The following IQGAP2 variants were observed in gnomAD, a reference collection of about 807,000 sequenced individuals.
IQGAP2 encodes the protein ras GTPase-activating-like protein IQGAP2.
Under a neutral mutation model 201.3 loss-of-function variants are expected in IQGAP2, and 173 were observed. That is an observed-to-expected ratio of 0.86 (90% confidence interval 0.76 to 0.98). The LOEUF (loss-of-function observed/expected upper bound fraction) is 0.98, where lower values mean the gene tolerates loss of function less well. Among genes scored for constraint, IQGAP2 ranks in the 50% least tolerant of loss-of-function variants. IQGAP2 has a pLI of 0.00. For synonymous variants in IQGAP2, 675 were observed against 673.9 expected (o/e 1.00, Z -0.03); for missense variants, 1,687 against 1,864.8 (o/e 0.90, Z 1.76).
chr5:76,655,717 G>A (rs182010755), intron 20 of IQGAP2, among the ~76,000 whole-genome samples: 1 of 152,112 alleles, frequency 6.6e-6, no homozygotes, highest in African/African-American at 2.4e-5. Flanking sequence ...AAAGTGCTGG[G>A]ATTACAGATT....
chr5:76,558,518 T>A (rs1029231714), intron 2 of IQGAP2, among the ~76,000 whole-genome samples: 1 of 152,250 alleles, frequency 6.6e-6, no homozygotes, highest in African/African-American at 2.4e-5. Flanking sequence ...GGCCATATTT[T>A]TTTTAAGGCG....
At chr5:76,671,665 G>GT (rs1394300252) in intron 23 of IQGAP2, 94 bp from the exon 24 acceptor site, 1 of 883,544 alleles carries the variant, frequency 1.1e-6, no homozygotes, top group Admixed American at 2.6e-5. Flanking sequence ...TCCAGCCTGG[G>GT]TGACAGAGCA....
Position 76,652,795 on chromosome 5 carries a change from C to G in IQGAP2, c.2140C>G (p.Arg714Gly), listed in dbSNP as rs35366349. 1 of 1,610,814 alleles carries G rather than the reference C, an allele frequency of 6.2e-7. No homozygotes were observed. The highest frequency in any genetic ancestry group is 1.7e-5 in the Admixed American group (1 of 60,020). The change falls in exon 18 of 36, where the codon CGG (arginine) becomes GGG (glycine). Residue 714 changes from arginine to glycine, a missense_variant. Coordinates refer to ENST00000274364, the MANE Select transcript of IQGAP2 (RefSeq NM_006633.5). ...ACAACGGAAGGAGTATATGCACAGG[C>G]GGCAAACGTTCATTGATAATACTGA... ...YKQRKEYMHR[R>G]QTFIDNTDSI...
At position 76,632,032 on chromosome 5, in the gene IQGAP2, T is replaced by C. The variant is rs952103367; in HGVS notation, c.1780+6T>C. The C allele has an allele frequency of 6.3e-7, 1 of 1,596,374 alleles. No individual in the cohort carries two copies. The highest frequency in any genetic ancestry group is 8.5e-7 in the Non-Finnish European group (1 of 1,172,670). On this transcript the variant is annotated splice_donor_region_variant and intron_variant, in intron 15 of 35. Coordinates refer to ENST00000274364, the MANE Select transcript of IQGAP2 (RefSeq NM_006633.5). ...AGAGCTCAAATCTGAAAGAGGTAAG[T>C]TGGTTTGTTACTTTAGCACAAACTA... is the stretch of plus-strand genomic sequence containing the variant.
At position 76,570,684 on chromosome 5, in the gene IQGAP2, A is replaced by G. The variant is rs762482827; in HGVS notation, c.381+27A>G. On this transcript the variant is annotated intron_variant, in intron 4 of 35. Transcript: ENST00000274364. Reference sequence around the variant, plus strand: ...TAAGCCTTCACGCACTGGAATCTGAACTAGAAAGGCAAAGGGGTAGTACAC... The same window carrying G: ...TAAGCCTTCACGCACTGGAATCTGAGCTAGAAAGGCAAAGGGGTAGTACAC... 4.6e-6 allele frequency: 7 copies of G among 1,507,824 alleles called. No individual in the cohort carries two copies. In the South Asian group the frequency reaches 6.8e-5, roughly 15 times the overall value. 93.4% of individuals were successfully genotyped at this position (1,507,824 alleles called of 1,614,324 possible).
chr5:76,668,018 T>C (rs2150474926), intron 22 of IQGAP2, among the ~76,000 whole-genome samples: 1 of 151,822 alleles, frequency 6.6e-6, no homozygotes, highest in Admixed American at 6.6e-5. Flanking sequence ...TAGCAGGGAC[T>C]GCATGCGCAC....
intron 28 of IQGAP2, among the ~76,000 whole-genome samples, chr5:76,679,752 C>T (rs1435017372): frequency 6.6e-6 from 1 of 152,166 alleles, no homozygotes. Context: ...ATATGTACCG[C>T]CTTTCCAGAT....
At chr5:76,512,614 T>C (rs1304189205) in intron 2 of IQGAP2, among the ~76,000 whole-genome samples, 1 of 152,224 alleles carries the variant, frequency 6.6e-6, no homozygotes, top group Non-Finnish European at 1.5e-5. Flanking sequence ...CTGGAGTGCT[T>C]CTCAGATGTT....
intron 2 of IQGAP2, among the ~76,000 whole-genome samples, chr5:76,558,339 A>C (rs1483900914): frequency 1.3e-5 from 2 of 152,162 alleles, no homozygotes; most frequent in Non-Finnish European, 2.9e-5. Flanking sequence ...AGGTTGTTAT[A>C]AAGCATTCAT....
chr5:76,674,282 T>C (rs770987252), intron 26 of IQGAP2, among the ~76,000 whole-genome samples, 195 bp from the exon 27 acceptor site: 3 of 152,196 alleles, frequency 2.0e-5, no homozygotes, highest in Non-Finnish European at 2.9e-5. Context: ...AAAAATAACT[T>C]TGCAAATTAT....
At chr5:76,486,503 T>A (rs1756146664) in intron 2 of IQGAP2, among the ~76,000 whole-genome samples, 1 of 152,200 alleles carries the variant, frequency 6.6e-6, no homozygotes. Flanking sequence ...ATTTCATCAA[T>A]TTCAGACCTT....
At chr5:76,615,126 G>A (rs182883011) in intron 13 of IQGAP2, among the ~76,000 whole-genome samples, 1 of 152,334 alleles carries the variant, frequency 6.6e-6, no homozygotes, top group African/African-American at 2.4e-5. Context: ...ACTGGGTGGT[G>A]TGTGCTATTT....
chr5:76,600,778 T>A, intron 10 of IQGAP2, 34 bp from the exon 11 acceptor site: 1 of 1,611,524 alleles, frequency 6.2e-7, no homozygotes, highest in Non-Finnish European at 8.5e-7. Context: ...GTGTGTTGTG[T>A]GGGGAGCTTA....
At position 76,616,413 on chromosome 5, in the gene IQGAP2, GGC is replaced by G. The variant is rs1189606090; in HGVS notation, c.1521+5231_1521+5232del. The G allele has an allele frequency of 9.8e-5, 15 of 152,654 alleles. 1 individual carries two copies. Among genetic ancestry groups the G allele is most frequent in the Admixed American group, 3.3e-4 (5 of 15,280 alleles). 9.5% of individuals were successfully genotyped at this position (152,654 alleles called of 1,614,324 possible). A position where few individuals can be genotyped will look rare whatever the true frequency, so the allele number is the denominator to read the frequency against. ...ATTAGCAAGTTAGCCTTGAATGCCA[GGC>G]TAAAGATTTATGATTTATTATAGAA... On this transcript the variant is annotated intron_variant, in intron 13 of 35. Coordinates refer to ENST00000274364, the MANE Select transcript of IQGAP2 (RefSeq NM_006633.5).
In IQGAP2 at chr5:76,707,321, A is replaced by G. The variant is rs772505630; in HGVS notation, c.*8A>G. ...AAGTTCTATGGAAAGTGAAGTGCCT[A>G]CAGAAATTTCTTGGATTCTGTATCA... On this transcript the variant is annotated 3_prime_UTR_variant, in exon 36 of 36. Transcript: ENST00000274364. 1 of 1,235,954 alleles carries G rather than the reference A, an allele frequency of 8.1e-7. No homozygotes were observed. The highest frequency in any genetic ancestry group is 1.5e-5 in the African/African-American group (1 of 67,478). The allele number at this position is 1,235,954 out of a possible 1,614,324, so 76.6% of individuals were successfully genotyped here. A position where few individuals can be genotyped will look rare whatever the true frequency, so the allele number is the denominator to read the frequency against.
At chr5:76,595,438 A>AT (rs35033084) in intron 9 of IQGAP2, among the ~76,000 whole-genome samples, 5 of 150,484 alleles carry the variant, frequency 3.3e-5, no homozygotes, top group African/African-American at 1.2e-4. Flanking sequence ...ATCTTACCTT[A>AT]TTTTTTTAGA....
intron 2 of IQGAP2, among the ~76,000 whole-genome samples, chr5:76,468,220 A>G (rs73766926): frequency 6.6e-6 from 1 of 152,302 alleles, no homozygotes; most frequent in African/African-American, 2.4e-5. Context: ...GATACATTGC[A>G]TATAGAAGGT....
At chr5:76,679,150 A>G (rs773887038) in intron 28 of IQGAP2, among the ~76,000 whole-genome samples, 21 of 152,198 alleles carry the variant, frequency 1.4e-4, no homozygotes, top group Non-Finnish European at 2.5e-4. Flanking sequence ...TTGGGTGCAC[A>G]TTTGCTGAAT....
At chr5:76,612,712 T>C (rs554279317) in intron 13 of IQGAP2, among the ~76,000 whole-genome samples, 1 of 151,868 alleles carries the variant, frequency 6.6e-6, no homozygotes, top group South Asian at 2.1e-4. Flanking sequence ...TGCTGTGATG[T>C]GCACATAGAT....
Sources: allele counts gnomAD v4.1 joint callset (sites outside exome capture counted in the v4.1 genomes callset), GRCh38; gene constraint gnomAD v4.1.1; transcripts MANE v1.5; gene names NCBI Gene and HGNC (gene_info 2026-07-23, HGNC 2026-07-21).